The following SDK2 variants were observed in gnomAD, a reference collection of about 807,000 sequenced individuals.
SDK2 encodes the protein sidekick cell adhesion molecule 2.
Under a neutral mutation model 253.9 loss-of-function variants are expected in SDK2, and 105 were observed. The ratio of observed to expected loss-of-function variants is 0.41; its 90% confidence interval spans 0.35 to 0.49. The LOEUF is 0.49. Among genes scored for constraint, SDK2 ranks in the 20% least tolerant of loss-of-function variants. The pLI, the probability that SDK2 is intolerant of heterozygous loss-of-function variation, is 0.06. For synonymous variants in SDK2, 1,249 were observed against 1,234.9 expected, an observed-to-expected ratio of 1.01 and a Z score of -0.24; for missense variants, 2,608 against 3,003.0, an observed-to-expected ratio of 0.87 and a Z score of 3.07.
intron 1 of SDK2, among the ~76,000 whole-genome samples, chr17:73,553,425 G>GATCA (rs1338297951): frequency 6.6e-6 from 1 of 152,164 alleles, no homozygotes; most frequent in African/African-American, 2.4e-5. Flanking sequence ...GGCCTCAAGA[G>GATCA]ATCAAACAAG....
At chr17:73,538,651 C>A (rs562775659) in intron 1 of SDK2, among the ~76,000 whole-genome samples, 3 of 152,304 alleles carry the variant, frequency 2.0e-5, no homozygotes, top group Admixed American at 6.5e-5. Context: ...ACTGGGGATT[C>A]GGGGAGGGAA....
chr17:73,595,827 G>GA (rs1168270122), intron 1 of SDK2, among the ~76,000 whole-genome samples: 1 of 152,224 alleles, frequency 6.6e-6, no homozygotes, highest in Non-Finnish European at 1.5e-5. Flanking sequence ...GAGGCAGCCA[G>GA]GGGGGCTGAG....
chr17:73,381,645 C>A (rs965553603), intron 33 of SDK2, among the ~76,000 whole-genome samples: 1 of 151,880 alleles, frequency 6.6e-6, no homozygotes, highest in Non-Finnish European at 1.5e-5. Flanking sequence ...CTTTGGGAAG[C>A]CAAGGTGGGT....
chr17:73,530,019 A>C (rs997646849), intron 1 of SDK2, among the ~76,000 whole-genome samples: 1 of 152,188 alleles, frequency 6.6e-6, no homozygotes, highest in Non-Finnish European at 1.5e-5. Flanking sequence ...GGACATGGGC[A>C]AGGTGGAAGG....
intron 2 of SDK2, among the ~76,000 whole-genome samples, chr17:73,504,631 C>CAAAAAAAAAAAAAAAA (rs146981971): frequency 2.1e-5 from 1 of 47,030 alleles, no homozygotes; most frequent in Non-Finnish European, 3.6e-5. Flanking sequence ...GACTCTGTCT[C>CAAAAAAAAAAAAAAAA]AAAAAAAAAA....
chr17:73,537,324 A>G (rs1488241794), intron 1 of SDK2, among the ~76,000 whole-genome samples: 1 of 151,974 alleles, frequency 6.6e-6, no homozygotes, highest in African/African-American at 2.4e-5. Flanking sequence ...ATCAAAGCAG[A>G]TTTCCAATCT....
At chr17:73,640,872 G>A (rs918834203) in intron 1 of SDK2, among the ~76,000 whole-genome samples, 4 of 152,162 alleles carry the variant, frequency 2.6e-5, no homozygotes, top group East Asian at 1.9e-4. Context: ...CAGCTGGCTC[G>A]GCTGCTCCTG....
chr17:73,420,780 A>G (rs1054129498), intron 15 of SDK2, among the ~76,000 whole-genome samples: 1 of 151,986 alleles, frequency 6.6e-6, no homozygotes, highest in African/African-American at 2.4e-5. Flanking sequence ...GGTTCAAGCA[A>G]TTCTCCTGTC....
At position 73,437,983 on chromosome 17, in the gene SDK2, G is replaced by A. The variant is rs777882559; in HGVS notation, c.897C>T (p.Gly299=). ...RSSSVPSVVR[G]AYLSVLEPPQ... ...TCTCACCCAGCACTGAGAGGTAGGCGCCCCGGACAACAGAGGGGACGCTGC... is the reference window on the plus strand; with the variant it reads ...TCTCACCCAGCACTGAGAGGTAGGCACCCCGGACAACAGAGGGGACGCTGC... The change falls in exon 7 of 45, where the codon GGC becomes GGT. Residue 299 remains glycine (G), a synonymous_variant. Transcript: ENST00000392650. The A allele has an allele frequency of 1.7e-5, 26 of 1,550,688 alleles. No homozygotes were observed. The highest frequency in any genetic ancestry group is 1.2e-4 in the South Asian group (10 of 84,234).
At chr17:73,479,912 T>C (rs1450289684) in intron 2 of SDK2, among the ~76,000 whole-genome samples, 2 of 152,190 alleles carry the variant, frequency 1.3e-5, no homozygotes, top group African/African-American at 2.4e-5. Flanking sequence ...AGGCTGATCT[T>C]GAACTCCTGA....
At chr17:73,583,271 T>C (rs982851653) in intron 1 of SDK2, among the ~76,000 whole-genome samples, 5 of 152,340 alleles carry the variant, frequency 3.3e-5, no homozygotes, top group Admixed American at 2.6e-4. Flanking sequence ...TGCTATCTTC[T>C]TAGCATACAG....
Position 73,392,877 on chromosome 17 carries a change from C to G in SDK2, c.3898+683G>C, listed in dbSNP as rs530015992. Among the ~76,000 whole-genome samples, 3 of 152,052 alleles carry G rather than the reference C, an allele frequency of 2.0e-5. No homozygotes were observed. In the South Asian group the frequency reaches 6.2e-4, roughly 32 times the overall value. ...TGGTGACATTCTTTTGCAAACAGGA[C>G]CAGGAGGTTCGTGCGTCCAGGAAAA... is the stretch of plus-strand genomic sequence containing the variant. On this transcript the variant is annotated intron_variant, in intron 27 of 44. Transcript: ENST00000392650.
In SDK2 at chr17:73,386,482, G is replaced by GA; in HGVS notation, c.4460dup (p.Ser1488GlnfsTer16). 1 of 1,562,112 alleles carries GA rather than the reference G, an allele frequency of 6.4e-7. No individual in the cohort carries two copies. Among genetic ancestry groups the GA allele is most frequent in the Non-Finnish European group, 8.7e-7 (1 of 1,153,044 alleles). ...TGGTCAGTGACTCCGACTCCTCGCT[G>GA]AACTCGCTGTCGCCAATGTCATTGG... On this transcript the variant is annotated frameshift_variant, in exon 31 of 45. Coordinates refer to ENST00000392650, the MANE Select transcript of SDK2 (RefSeq NM_001144952.2). LOFTEE classifies it high-confidence loss of function.
intron 4 of SDK2, among the ~76,000 whole-genome samples, chr17:73,451,287 G>C (rs2145651931): frequency 6.6e-6 from 1 of 152,254 alleles, no homozygotes; most frequent in South Asian, 2.1e-4. Flanking sequence ...CAGGTGGAAC[G>C]CCTGAGGTCA....
intron 1 of SDK2, among the ~76,000 whole-genome samples, chr17:73,623,006 G>A (rs2143205450): frequency 6.6e-6 from 1 of 152,290 alleles, no homozygotes; most frequent in Non-Finnish European, 1.5e-5. Context: ...CCTCTGCCTG[G>A]AATCCTCCTC....
chr17:73,606,273 T>A (rs1393042116), intron 1 of SDK2, among the ~76,000 whole-genome samples: 1 of 151,996 alleles, frequency 6.6e-6, no homozygotes, highest in East Asian at 1.9e-4. Context: ...CTAGGGAAGC[T>A]GGGCTGGGCA....
chr17:73,339,014 C>T (rs2062408456), intron 44 of SDK2, 74 bp from the exon 45 acceptor site: 1 of 1,323,172 alleles, frequency 7.6e-7, no homozygotes, highest in South Asian at 1.2e-5. Flanking sequence ...CCGGAAGGCA[C>T]AGGGCATTCT....
chr17:73,396,453 C>A (rs560955185), intron 24 of SDK2, among the ~76,000 whole-genome samples: 1 of 152,198 alleles, frequency 6.6e-6, no homozygotes, highest in Non-Finnish European at 1.5e-5. Context: ...ACAGGCTCAC[C>A]CTAGGCTGAC....
chr17:73,440,690 C>A, intron 6 of SDK2, 122 bp downstream of exon 6: 1 of 743,216 alleles, frequency 1.3e-6, no homozygotes, highest in South Asian at 1.5e-5. Context: ...CTCCTTGCAT[C>A]CCTCCTCCCC....
Sources: gnomAD v4.1 joint callset for allele counts (sites outside exome capture counted in the v4.1 genomes callset) on GRCh38, gnomAD v4.1.1 for gene constraint, MANE v1.5 for transcripts, NCBI Gene and HGNC (gene_info 2026-07-23, HGNC 2026-07-21) for gene names.